COL8A1: variants seen among roughly 807,000 people sequenced by gnomAD.
COL8A1 encodes the protein collagen alpha-1(VIII) chain.
In COL8A1, 21 loss-of-function variants were observed where a neutral mutation model predicts 42.7. That is an observed-to-expected ratio of 0.49 (90% CI 0.35 to 0.71). The LOEUF is 0.71. COL8A1 is among the 30% of genes least tolerant of loss of function. COL8A1 has a pLI of 0.01. For missense variants in COL8A1, 788 were observed against 962.4 expected, an observed-to-expected ratio of 0.82 and a Z score of 2.40; for synonymous variants, 367 against 369.1, an observed-to-expected ratio of 0.99 and a Z score of 0.06.
chr3:99,669,046 G>A (rs1938449384), intron 1 of COL8A1, among the ~76,000 whole-genome samples: 1 of 149,434 alleles, frequency 6.7e-6, no homozygotes, highest in South Asian at 2.1e-4. Flanking sequence ...TGAAGCTGAG[G>A]TATCATCTGA....
intron 1 of COL8A1, among the ~76,000 whole-genome samples, chr3:99,721,398 A>G (rs1460460240): frequency 7.1e-6 from 1 of 140,790 alleles, no homozygotes; most frequent in Non-Finnish European, 1.5e-5. Flanking sequence ...AGGAAAGGAA[A>G]AAGGAAAAGG....
chr3:99,765,592 A>G (rs183606921), intron 2 of COL8A1, among the ~76,000 whole-genome samples: 21 of 152,328 alleles, frequency 1.4e-4, no homozygotes, highest in African/African-American at 4.3e-4. Context: ...GCCTTCTTCA[A>G]TGTAAAGCTT....
intron 2 of COL8A1, among the ~76,000 whole-genome samples, chr3:99,754,779 C>T (rs1370919767): frequency 6.6e-6 from 1 of 152,148 alleles, no homozygotes; most frequent in Non-Finnish European, 1.5e-5. Context: ...AACCAGGTCC[C>T]TGATAATCCT....
chr3:99,794,256 G>A lies in COL8A1; in HGVS notation c.355G>A (p.Glu119Lys), dbSNP rs766271324. ...AATACCATTAGCCAGTTTACGAGGG[G>A]AACAAGGTCCCCGTGGAGAGCCTGG... ...KEIPLASLRG[E>K]QGPRGEPGPR... Residue 119 changes from glutamate to lysine, a missense_variant, in exon 4 of 4, where the codon GAA becomes AAA. By Grantham distance (56) the Glu-to-Lys change is moderately conservative (BLOSUM62 1). This residue lies in a region of COL8A1 where 421 missense variants were observed against 553.1 expected (regional missense o/e 0.76). Transcript: ENST00000652472. The surrounding 1 kb of genome is among the most constrained non-coding windows in gnomAD (Gnocchi z 4.3). 2 of 1,598,630 alleles carry A rather than the reference G, an allele frequency of 1.3e-6. No homozygotes were observed. The highest frequency in any genetic ancestry group is 1.7e-6 in the Non-Finnish European group (2 of 1,173,118).
intron 2 of COL8A1, among the ~76,000 whole-genome samples, chr3:99,773,841 T>TATATATATATATATATATA (rs1381763910): frequency 1.3e-4 from 11 of 85,624 alleles, no homozygotes; most frequent in East Asian, 3.4e-4. Flanking sequence ...ATATATATTT[T>TATATATATATATATATATA]TTTTTTTTTT....
intron 1 of COL8A1, among the ~76,000 whole-genome samples, chr3:99,717,754 T>C (rs1351153638): frequency 6.6e-6 from 1 of 151,996 alleles, no homozygotes; most frequent in Non-Finnish European, 1.5e-5. Flanking sequence ...CTAATGATGA[T>C]CTTTCAGAGA....
intron 2 of COL8A1, among the ~76,000 whole-genome samples, chr3:99,786,695 A>G (rs1941902851): frequency 6.6e-6 from 1 of 152,224 alleles, no homozygotes; most frequent in Non-Finnish European, 1.5e-5. Flanking sequence ...TGTGAGTTCA[A>G]TAAGATAATA....
At chr3:99,717,415 C>T (rs930391744) in intron 1 of COL8A1, among the ~76,000 whole-genome samples, 2 of 152,076 alleles carry the variant, frequency 1.3e-5, no homozygotes, top group African/African-American at 2.4e-5. Flanking sequence ...AGACACGACA[C>T]ATCCAACACA....
At chr3:99,769,136 G>A (rs567549913) in intron 2 of COL8A1, among the ~76,000 whole-genome samples, 66 of 152,298 alleles carry the variant, frequency 4.3e-4, no homozygotes, top group African/African-American at 1.4e-3. Flanking sequence ...TCAATATTCT[G>A]AATCTCTGGT....
At chr3:99,683,209 C>T (rs951804108) in intron 1 of COL8A1, among the ~76,000 whole-genome samples, 2 of 152,124 alleles carry the variant, frequency 1.3e-5, no homozygotes, top group African/African-American at 4.8e-5. Context: ...TGCCTTTCTC[C>T]CCCATAAGAC....
chr3:99,672,605 T>C (rs1938580627), intron 1 of COL8A1, among the ~76,000 whole-genome samples: 1 of 151,988 alleles, frequency 6.6e-6, no homozygotes. Flanking sequence ...TAAACTTTAT[T>C]CACTCCATTA....
intron 1 of COL8A1, among the ~76,000 whole-genome samples, chr3:99,692,898 C>T (rs568369645): frequency 1.4e-4 from 22 of 152,350 alleles, no homozygotes; most frequent in Non-Finnish European, 2.8e-4. Flanking sequence ...GTGGCTCACG[C>T]CTGTAATCCC....
chr3:99,721,320 G>C (rs1404936967), intron 1 of COL8A1, among the ~76,000 whole-genome samples: 2 of 141,410 alleles, frequency 1.4e-5, no homozygotes, highest in Non-Finnish European at 3.0e-5. Context: ...GCCAGCCAGA[G>C]AGCAGAACAC....
intron 3 of COL8A1, 110 bp downstream of exon 3, chr3:99,791,120 C>A: frequency 1.9e-6 from 2 of 1,034,298 alleles, no homozygotes; most frequent in Non-Finnish European, 2.7e-6. Context: ...GAATTTGTTA[C>A]TGGCATTTTT....
intron 1 of COL8A1, among the ~76,000 whole-genome samples, chr3:99,732,349 T>C (rs1940535008): frequency 6.6e-6 from 1 of 152,082 alleles, no homozygotes; most frequent in East Asian, 1.9e-4. Flanking sequence ...TGGTAATTTA[T>C]AAAGGAAAGA....
chr3:99,643,903 T>G (rs1937583518), intron 1 of COL8A1, among the ~76,000 whole-genome samples: 1 of 150,530 alleles, frequency 6.6e-6, no homozygotes, highest in African/African-American at 2.5e-5. Flanking sequence ...CCTCGGCCTC[T>G]AATGAGAGAA....
chr3:99,730,254 A>G (rs935277790), intron 1 of COL8A1, among the ~76,000 whole-genome samples: 2 of 152,138 alleles, frequency 1.3e-5, no homozygotes, highest in Non-Finnish European at 2.9e-5. Flanking sequence ...ATGTTTAACA[A>G]ATATGTGTTT....
chr3:99,746,303 A>T (rs906517034), intron 2 of COL8A1, among the ~76,000 whole-genome samples: 1 of 152,200 alleles, frequency 6.6e-6, no homozygotes, highest in Non-Finnish European at 1.5e-5. Context: ...AAACCCAGGG[A>T]ATAAAAAAAT....
rs9833005 is a variant in COL8A1 at position 99,796,490 on chromosome 3, C to T, written c.*354C>T. 5.3e-3 allele frequency: 949 copies of T among 177,732 alleles called. 10 individuals carry two copies. Among genetic ancestry groups the T allele is most frequent in the African/African-American group, 0.021 (895 of 42,544 alleles). 11.0% of individuals were successfully genotyped at this position (177,732 alleles called of 1,614,324 possible). A position where few individuals can be genotyped will look rare whatever the true frequency, so the allele number is the denominator to read the frequency against. On this transcript the variant is annotated 3_prime_UTR_variant, in exon 4 of 4. Transcript: ENST00000652472. ...GAAAGATCATAGCTAATGAAAGGCA[C>T]TCACTCATATTGTTTACTTTAAAAT...
Sources: gnomAD v4.1 joint callset for allele counts (sites outside exome capture counted in the v4.1 genomes callset) on GRCh38, gnomAD v4.1.1 for gene constraint, gnomAD v4.1.1 regional missense constraint, Gnocchi (gnomAD v3.1) non-coding constraint, MANE v1.5 for transcripts, NCBI Gene and HGNC (gene_info 2026-07-23, HGNC 2026-07-21) for gene names.